WDR47: variants seen among roughly 807,000 people sequenced by gnomAD.
The protein encoded by WDR47 is WD repeat domain 47.
Under a neutral mutation model 97.2 loss-of-function variants are expected in WDR47, and 32 were observed. The observed-to-expected ratio is 0.33, with a 90% CI of 0.25 to 0.44. The LOEUF (loss-of-function observed/expected upper bound fraction) is 0.44, where lower values mean the gene tolerates loss of function less well. Ranked by LOEUF, WDR47 falls within the 20% of genes least tolerant of loss-of-function variation. The pLI is 1.00. For missense variants in WDR47, 782 were observed against 1,102.3 expected, an observed-to-expected ratio of 0.71 and a Z score of 4.11; for synonymous variants, 375 against 373.5, an observed-to-expected ratio of 1.00 and a Z score of -0.05.
chr1:109,011,870 GT>G (rs1661057113), intron 4 of WDR47, 152 bp from the exon 5 acceptor site: 1 of 717,788 alleles, frequency 1.4e-6, no homozygotes, highest in Non-Finnish European at 2.2e-6. Flanking sequence ...GGAACATAAT[GT>G]TTTCACAACT....
intron 7 of WDR47, among the ~76,000 whole-genome samples, chr1:108,999,248 T>A (rs1659984229): frequency 6.7e-6 from 1 of 150,080 alleles, no homozygotes; most frequent in African/African-American, 2.4e-5. Flanking sequence ...AAAAATTATA[T>A]TAAAGGGTTA....
intron 1 of WDR47, among the ~76,000 whole-genome samples, chr1:109,028,013 A>C (rs1662332272): frequency 6.6e-6 from 1 of 152,214 alleles, no homozygotes; most frequent in African/African-American, 2.4e-5. Context: ...GGGGAGCTAT[A>C]AATCTGCAAA....
rs1195132174 is a variant in WDR47, at chr1:108,999,498, G to C, written c.1433+2726C>G. On this transcript the variant is annotated intron_variant, in intron 7 of 14. Transcript: ENST00000369962. ...GCAGGAGGATTGCCTGAGCTCAGGAGTTCAAGATCAGTCTAGGCAACATGG... is the reference window on the plus strand; with the variant it reads ...GCAGGAGGATTGCCTGAGCTCAGGACTTCAAGATCAGTCTAGGCAACATGG... 2.0e-5 allele frequency among the ~76,000 whole-genome samples: 3 copies of C among 151,852 alleles called. No individual in the cohort carries two copies. In the East Asian group the frequency reaches 5.8e-4, roughly 29 times the overall value.
intron 1 of WDR47, among the ~76,000 whole-genome samples, chr1:109,025,586 T>C (rs1662155438): frequency 1.3e-5 from 2 of 151,582 alleles, no homozygotes; most frequent in Admixed American, 6.6e-5. Context: ...ATACAAAAAT[T>C]AGCGGAGCGT....
At chr1:108,986,827 A>C (rs746200449) in intron 9 of WDR47, 147 bp from the exon 10 acceptor site, 344 of 669,946 alleles carry the variant, frequency 5.1e-4, no homozygotes, top group Non-Finnish European at 7.8e-4. Flanking sequence ...TCTTTTCTCT[A>C]TGTTTTTCTT....
At chr1:108,991,921 C>T (rs1327777099) in intron 8 of WDR47, among the ~76,000 whole-genome samples, 1 of 152,078 alleles carries the variant, frequency 6.6e-6, no homozygotes, top group African/African-American at 2.4e-5. Context: ...CCTCAACCTC[C>T]CAGATTGCTG....
chr1:109,023,075 C>T (rs1411656633), intron 2 of WDR47, among the ~76,000 whole-genome samples: 6 of 151,460 alleles, frequency 4.0e-5, no homozygotes, highest in Middle Eastern at 3.4e-3. Context: ...TGGTGATGGG[C>T]GCCTGTAGTC....
At position 108,983,696 on chromosome 1, in the gene WDR47, T is replaced by TA. The variant is rs35018515; in HGVS notation, c.1926-246dup. Among the ~76,000 whole-genome samples the TA allele has an allele frequency of 3.7e-3, 554 of 148,132 alleles. 5 individuals are homozygous for TA. Among genetic ancestry groups the TA allele is most frequent in the African/African-American group, 0.013 (518 of 40,438 alleles). ...GACAAAGGAAACAGGATATACGACT[T>TA]AAAAAAAAAATCTCCGTTTCTCATA... On this transcript the variant is annotated intron_variant, in intron 10 of 14. Coordinates refer to ENST00000369962, the MANE Select transcript of WDR47 (RefSeq NM_001142551.2).
chr1:109,013,923 A>T lies in WDR47; in HGVS notation c.245T>A (p.Phe82Tyr). The T allele has an allele frequency of 6.2e-7, 1 of 1,604,768 alleles. No homozygotes were observed. The highest frequency in any genetic ancestry group is 8.5e-7 in the Non-Finnish European group (1 of 1,176,850). ...CTTCTGCTTCAGGATAATATAACGA[A>T]ACCTGTGGGAAAAAAATGAAGCATT... ...ECMEKFDKKR[F>Y]RYIILKQKFL... The change falls in exon 4 of 15, where the codon TTT becomes TAT. Residue 82 changes from phenylalanine to tyrosine, a missense_variant and splice_region_variant. By Grantham distance (22) the Phe-to-Tyr change is conservative (BLOSUM62 3). Around this residue, in one of 3 missense-constraint regions of WDR47, gnomAD observed 428 missense variants for 584.3 expected, o/e 0.73. Transcript: ENST00000369962.
chr1:109,025,666 G>T (rs376327846), intron 1 of WDR47, among the ~76,000 whole-genome samples: 1 of 149,568 alleles, frequency 6.7e-6, no homozygotes, highest in Admixed American at 6.7e-5. Context: ...CCCAGGAGGC[G>T]GAGGTTGCAG....
In WDR47 at chr1:108,982,680, G is replaced by A; in HGVS notation, c.2195C>T (p.Ala732Val). 1 of 1,613,962 alleles carries A rather than the reference G, an allele frequency of 6.2e-7. No homozygotes were observed. The highest frequency in any genetic ancestry group is 8.5e-7 in the Non-Finnish European group (1 of 1,179,998). Residue 732 changes from alanine (A) to valine (V), a missense_variant, in exon 12 of 15, where the codon GCA becomes GTA. Physicochemically the swap from Ala to Val is moderately conservative, Grantham distance 64 (BLOSUM62 0). Coordinates refer to ENST00000369962, the MANE Select transcript of WDR47 (RefSeq NM_001142551.2). ...SGGAILISAG[A>V]GDCNIYTTDC... ...GGTTGTATAAATGTTACAATCCCCT[G>A]CTCCAGCACTTATTAAAATAGCTCC...
chr1:109,040,633 T>G (rs1436526890), intron 1 of WDR47, among the ~76,000 whole-genome samples: 1 of 152,210 alleles, frequency 6.6e-6, no homozygotes. Context: ...CGTGTAATAA[T>G]GTTTCTTTCC....
Position 109,002,385 on chromosome 1 carries a change from T to C in WDR47, c.1272A>G (p.Glu424=). 1 of 1,604,120 alleles carries C rather than the reference T, an allele frequency of 6.2e-7. No homozygotes were observed. The highest frequency in any genetic ancestry group is 1.1e-5 in the South Asian group (1 of 88,306). Reference sequence around the variant, plus strand: ...TTTGCCTATAATATTCTTGAAATTGTTCTGTTGAATCTCGAAGCTTAAAAA... The same window carrying C: ...TTTGCCTATAATATTCTTGAAATTGCTCTGTTGAATCTCGAAGCTTAAAAA... ...QEKNELRDST[E]QFQEYYRQRL... is the part of the protein sequence containing the mutation. The change falls in exon 7 of 15, where the codon GAA becomes GAG. Residue 424 remains glutamate, a synonymous_variant. Coordinates refer to ENST00000369962, the MANE Select transcript of WDR47 (RefSeq NM_001142551.2).
intron 8 of WDR47, chr1:108,992,526 G>A (rs992496742): frequency 2.9e-5 from 43 of 1,503,492 alleles, no homozygotes; most frequent in Middle Eastern, 2.3e-4. Context: ...ACACAAGGTC[G>A]GTGGCCCAAA....
At chr1:109,001,189 T>G (rs1036409572) in intron 7 of WDR47, among the ~76,000 whole-genome samples, 2 of 152,040 alleles carry the variant, frequency 1.3e-5, no homozygotes, top group African/African-American at 2.4e-5. Context: ...CTCGGGAAGC[T>G]GAGGCAGGAG....
At chr1:109,022,986 C>G (rs1291359891) in intron 2 of WDR47, among the ~76,000 whole-genome samples, 1 of 151,468 alleles carries the variant, frequency 6.6e-6, no homozygotes, top group Admixed American at 6.6e-5. Flanking sequence ...GGGCAGATCA[C>G]GAGGTCAGGA....
chr1:108,978,120 C>T (rs948166697), intron 13 of WDR47, among the ~76,000 whole-genome samples: 2 of 150,226 alleles, frequency 1.3e-5, no homozygotes, highest in African/African-American at 4.9e-5. Context: ...TTAATTTCTA[C>T]ATGAAATTTC....
intron 9 of WDR47, 143 bp from the exon 10 acceptor site, chr1:108,986,823 C>T: frequency 1.4e-6 from 1 of 691,750 alleles, no homozygotes; most frequent in Admixed American, 3.2e-5. Context: ...ATATTCTTTT[C>T]TCTATGTTTT....
intron 9 of WDR47, among the ~76,000 whole-genome samples, chr1:108,987,455 T>C (rs1055473767): frequency 1.4e-5 from 2 of 144,812 alleles, no homozygotes; most frequent in African/African-American, 2.6e-5. Flanking sequence ...CACCAGCCAA[T>C]TGTTTGTTTT....
Sources: gnomAD v4.1 joint callset for allele counts (sites outside exome capture counted in the v4.1 genomes callset) on GRCh38, gnomAD v4.1.1 for gene constraint, gnomAD v4.1.1 regional missense constraint, MANE v1.5 for transcripts, NCBI Gene and HGNC (gene_info 2026-07-23, HGNC 2026-07-21) for gene names.